The following CAMKMT variants were observed in gnomAD, a reference collection of about 807,000 sequenced individuals.
The protein encoded by CAMKMT is CaM KMT.
A neutral mutation model predicts 48.0 loss-of-function variants in CAMKMT; 53 were observed. The observed-to-expected ratio is 1.10, with a 90% CI of 0.89 to 1.39. The LOEUF is 1.39. CAMKMT is among the 40% of genes most tolerant of loss of function. The pLI, the probability that CAMKMT is intolerant of heterozygous loss-of-function variation, is 0.00. For missense variants in CAMKMT, 428 were observed against 402.7 expected, an observed-to-expected ratio of 1.06 and a Z score of -0.54; for synonymous variants, 165 against 152.3, an observed-to-expected ratio of 1.08 and a Z score of -0.61.
intron 3 of CAMKMT, among the ~76,000 whole-genome samples, chr2:44,699,416 G>A (rs1443785510): frequency 6.6e-5 from 10 of 152,172 alleles, no homozygotes; most frequent in Non-Finnish European, 7.3e-5. Flanking sequence ...TGGTGACCAG[G>A]TGCATTGTCA....
chr2:44,576,388 A>G (rs1001590820), intron 3 of CAMKMT, among the ~76,000 whole-genome samples: 3 of 152,082 alleles, frequency 2.0e-5, no homozygotes, highest in Admixed American at 6.6e-5. Flanking sequence ...AAGGAGAAAC[A>G]GAAGCAAAGG....
intron 1 of CAMKMT, among the ~76,000 whole-genome samples, chr2:44,365,804 C>G (rs954759182): frequency 1.3e-5 from 2 of 152,176 alleles, no homozygotes; most frequent in African/African-American, 4.8e-5. Flanking sequence ...CTGTTACACA[C>G]GTATTTACAA....
At chr2:44,620,483 A>C (rs1463890902) in intron 3 of CAMKMT, among the ~76,000 whole-genome samples, 1 of 152,192 alleles carries the variant, frequency 6.6e-6, no homozygotes, top group African/African-American at 2.4e-5. Context: ...TGTTGATGGC[A>C]CCATTACACA....
At chr2:44,422,210 A>G (rs975984927) in intron 3 of CAMKMT, among the ~76,000 whole-genome samples, 1 of 152,162 alleles carries the variant, frequency 6.6e-6, no homozygotes, top group Non-Finnish European at 1.5e-5. Context: ...GCACTGTCTC[A>G]TGAGTAAAAG....
intron 3 of CAMKMT, among the ~76,000 whole-genome samples, chr2:44,516,174 C>T (rs1368853646): frequency 1.1e-4 from 17 of 152,100 alleles, no homozygotes; most frequent in East Asian, 3.8e-4. Context: ...AAACCATGCC[C>T]GTTTACTTAA....
chr2:44,446,571 C>T (rs1667010962), intron 3 of CAMKMT, among the ~76,000 whole-genome samples: 1 of 152,060 alleles, frequency 6.6e-6, no homozygotes, highest in Non-Finnish European at 1.5e-5. Flanking sequence ...GTCTTGAACT[C>T]CTGGCCTCAA....
chr2:44,510,252 T>G (rs1026652979), intron 3 of CAMKMT, among the ~76,000 whole-genome samples: 1 of 152,228 alleles, frequency 6.6e-6, no homozygotes, highest in Non-Finnish European at 1.5e-5. Context: ...AATTCCTTAG[T>G]CTTTCTCTGT....
At chr2:44,711,611 C>T (rs1449681021) in intron 6 of CAMKMT, among the ~76,000 whole-genome samples, 2 of 152,080 alleles carry the variant, frequency 1.3e-5, no homozygotes, top group African/African-American at 2.4e-5. Flanking sequence ...CCACTGTGCC[C>T]GGTTCAGGTA....
intron 3 of CAMKMT, among the ~76,000 whole-genome samples, chr2:44,577,717 G>C (rs1669308071): frequency 6.6e-6 from 1 of 151,952 alleles, no homozygotes; most frequent in African/African-American, 2.4e-5. Context: ...GAGGGAGATG[G>C]AGAGGGAGAA....
chr2:44,643,823 A>T (rs921026555), intron 3 of CAMKMT, among the ~76,000 whole-genome samples: 1 of 152,204 alleles, frequency 6.6e-6, no homozygotes, highest in African/African-American at 2.4e-5. Context: ...AGATGCTGGT[A>T]TCATACCTGA....
intron 3 of CAMKMT, among the ~76,000 whole-genome samples, chr2:44,584,619 C>A (rs755560418): frequency 1.8e-4 from 28 of 152,012 alleles, no homozygotes; most frequent in Non-Finnish European, 3.2e-4. Flanking sequence ...AAATTCAAGT[C>A]AAAAAATATT....
chr2:44,656,872 C>T (rs1180699801), intron 3 of CAMKMT, among the ~76,000 whole-genome samples: 1 of 152,082 alleles, frequency 6.6e-6, no homozygotes, highest in Non-Finnish European at 1.5e-5. Context: ...ACAATGTGAT[C>T]CCTCTCAAAT....
chr2:44,604,689 A>C lies in CAMKMT; in HGVS notation c.377-99594A>C, dbSNP rs77234911. Among the ~76,000 whole-genome samples the C allele has an allele frequency of 3.8e-3, 582 of 152,100 alleles. 6 individuals carry two copies. The highest frequency in any genetic ancestry group is 0.013 in the African/African-American group (552 of 41,506). The stretch of plus-strand genomic sequence containing the variant: ...TACTATTTTTTCACTGTAAACTTTC[A>C]GGATCTCCATCTTCCTTGATTTCCA... On this transcript the variant is annotated intron_variant, in intron 3 of 10. Transcript: ENST00000378494.
chr2:44,468,788 A>G (rs757035342), intron 3 of CAMKMT, among the ~76,000 whole-genome samples: 74 of 152,124 alleles, frequency 4.9e-4, no homozygotes, highest in Non-Finnish European at 4.9e-4. Context: ...GTATGGTGGT[A>G]CATGCCTATA....
chr2:44,667,756 T>C (rs920759031), intron 3 of CAMKMT, among the ~76,000 whole-genome samples: 2 of 152,134 alleles, frequency 1.3e-5, no homozygotes, highest in Non-Finnish European at 2.9e-5. Flanking sequence ...ATCCCCAACT[T>C]CTTTTTCTAC....
At chr2:44,501,639 G>T (rs191306551) in intron 3 of CAMKMT, among the ~76,000 whole-genome samples, 2 of 152,184 alleles carry the variant, frequency 1.3e-5, no homozygotes, top group Admixed American at 1.3e-4. Context: ...TTAATAAAGG[G>T]CTCGGACAAA....
At chr2:44,516,739 A>ATTT (rs749089273) in intron 3 of CAMKMT, among the ~76,000 whole-genome samples, 3,090 of 133,044 alleles carry the variant, frequency 0.023, 165 homozygotes, top group African/African-American at 0.085. Flanking sequence ...GTTTCTTGAG[A>ATTT]TTTTTTTTTT....
At position 44,745,793 on chromosome 2, in the gene CAMKMT, G is replaced by A. The variant is rs373439300; in HGVS notation, c.698+2097G>A. ...TTGGTAATGGTCTCTCTTCATATTCGCGGGGATGGGTAAGCTGCTTAGAAA... is the reference window on the plus strand; with the variant it reads ...TTGGTAATGGTCTCTCTTCATATTCACGGGGATGGGTAAGCTGCTTAGAAA... On this transcript the variant is annotated intron_variant, in intron 8 of 10. Transcript: ENST00000378494. Among the ~76,000 whole-genome samples, 51 of 152,234 alleles carry A rather than the reference G, an allele frequency of 3.4e-4. No homozygotes were observed. The South Asian group carries it at 8.5e-3, about 25-fold the overall frequency.
chr2:44,717,422 A>G (rs1678230921), intron 7 of CAMKMT, among the ~76,000 whole-genome samples: 1 of 152,196 alleles, frequency 6.6e-6, no homozygotes, highest in Admixed American at 6.5e-5. Context: ...CAAGAAGCTA[A>G]GAGAAATGGC....
Sources: gnomAD v4.1 joint callset for allele counts (sites outside exome capture counted in the v4.1 genomes callset) on GRCh38, gnomAD v4.1.1 for gene constraint, MANE v1.5 for transcripts, NCBI Gene and HGNC (gene_info 2026-07-23, HGNC 2026-07-21) for gene names.